Variants in IGFL2 observed in about 807,000 individuals in gnomAD.
The protein encoded by IGFL2 is IGF like family member 2.
IGFL2 carries 7 observed loss-of-function variants against 13.9 expected under a neutral mutation model. That is an observed-to-expected ratio of 0.51 (90% CI 0.29 to 0.95). The LOEUF is 0.95. IGFL2 is among the 40% of genes least tolerant of loss of function. The pLI, the probability that IGFL2 is intolerant of heterozygous loss-of-function variation, is 0.08. For synonymous variants in IGFL2, 55 were observed against 55.8 expected (o/e 0.99, Z 0.07); for missense variants, 138 against 147.8 (o/e 0.93, Z 0.34).
chr19:46,114,087 A>T, the IGFL2 span, among the ~76,000 whole-genome samples: 1 of 152,224 alleles, frequency 6.6e-6, no homozygotes, highest in East Asian at 1.9e-4. Context: ...TTCTCTGGTA[A>T]CAATCCAGGA....
At chr19:46,153,958 G>C (rs1371910511) in intron 1 of IGFL2, among the ~76,000 whole-genome samples, 1 of 151,962 alleles carries the variant, frequency 6.6e-6, no homozygotes, top group East Asian at 1.9e-4. Flanking sequence ...GCATGCATTA[G>C]GTATTTGTCC....
At chr19:46,168,750 G>C in the IGFL2 span, among the ~76,000 whole-genome samples, 2 of 152,120 alleles carry the variant, frequency 1.3e-5, no homozygotes, top group African/African-American at 4.8e-5. Context: ...ATGATCCCAG[G>C]TTGCAGTTCT....
chr19:46,159,006 GT>G (rs1973982899), intron 1 of IGFL2: 1 of 152,114 alleles, frequency 6.6e-6, no homozygotes, highest in African/African-American at 2.4e-5. Flanking sequence ...GCACTCTCAG[GT>G]GCTGTATCAC....
At chr19:46,197,090 G>C in the IGFL2 span, 1 of 219,390 alleles carries the variant, frequency 4.6e-6, no homozygotes. Context: ...CACGTTCTGT[G>C]ACCCTCTGCA....
the IGFL2 span, among the ~76,000 whole-genome samples, chr19:46,177,682 G>A: frequency 3.9e-5 from 6 of 152,042 alleles, no homozygotes; most frequent in African/African-American, 1.4e-4. Context: ...CTGCTGTCCT[G>A]TGATTCCACC....
At chr19:46,183,115 T>C in the IGFL2 span, among the ~76,000 whole-genome samples, 1 of 152,096 alleles carries the variant, frequency 6.6e-6, no homozygotes, top group African/African-American at 2.4e-5. Context: ...TCAATTATCA[T>C]GGTGGAAAGC....
chr19:46,137,636 G>A, the IGFL2 span: 20 of 789,356 alleles, frequency 2.5e-5, no homozygotes, highest in Non-Finnish European at 3.2e-5. Flanking sequence ...AGGACCCTGC[G>A]TGACCCAGGA....
the IGFL2 span, among the ~76,000 whole-genome samples, chr19:46,190,681 G>A: frequency 3.9e-5 from 6 of 152,242 alleles, no homozygotes; most frequent in South Asian, 6.2e-4. Flanking sequence ...TATTTATCAC[G>A]CCCCCTGGTA....
the IGFL2 span, among the ~76,000 whole-genome samples, chr19:46,181,783 G>A: frequency 6.6e-6 from 1 of 152,214 alleles, no homozygotes; most frequent in Non-Finnish European, 1.5e-5. Flanking sequence ...GGCTAGCCAT[G>A]AAATAACAAA....
At chr19:46,142,583 T>C (rs968966544), upstream of IGFL2, among the ~76,000 whole-genome samples, 8 of 152,226 alleles carry the variant, frequency 5.3e-5, no homozygotes, top group African/African-American at 1.9e-4. Flanking sequence ...ATGTTATCTA[T>C]CTATGTTTAA....
the IGFL2 span, chr19:46,208,891 T>G: frequency 6.6e-6 from 1 of 152,246 alleles, no homozygotes; most frequent in Non-Finnish European, 1.5e-5. Context: ...TTTTTAGCAG[T>G]GTGAAAATGG....
At chr19:46,202,139 C>T in the IGFL2 span, among the ~76,000 whole-genome samples, 22 of 151,982 alleles carry the variant, frequency 1.4e-4, no homozygotes, top group African/African-American at 5.1e-4. Flanking sequence ...AAGGAACAGA[C>T]AGGAGAGAAA....
At chr19:46,201,420 C>T in the IGFL2 span, among the ~76,000 whole-genome samples, 1 of 152,194 alleles carries the variant, frequency 6.6e-6, no homozygotes, top group Non-Finnish European at 1.5e-5. Flanking sequence ...AGGCACAGTT[C>T]TCATTCATTC....
At chr19:46,080,266 G>C in the IGFL2 span, among the ~76,000 whole-genome samples, 1 of 152,156 alleles carries the variant, frequency 6.6e-6, no homozygotes, top group East Asian at 1.9e-4. Context: ...GCGAGCCGTG[G>C]CTCCTGCCTG....
At chr19:46,079,552 C>T in the IGFL2 span, among the ~76,000 whole-genome samples, 3 of 152,138 alleles carry the variant, frequency 2.0e-5, no homozygotes, top group Admixed American at 2.0e-4. Flanking sequence ...TGGCCATGAT[C>T]CCCCAGCCAG....
At chr19:46,088,291 C>G in the IGFL2 span, among the ~76,000 whole-genome samples, 16 of 152,212 alleles carry the variant, frequency 1.1e-4, no homozygotes, top group African/African-American at 3.9e-4. Context: ...AAAGTCTTTC[C>G]TTTATTCTGT....
At chr19:46,104,732 A>G in the IGFL2 span, among the ~76,000 whole-genome samples, 624 of 152,336 alleles carry the variant, frequency 4.1e-3, 1 homozygote, top group African/African-American at 0.013. Context: ...AGAATAGCAG[A>G]TGGAACACTA....
chr19:46,109,858 G>T, the IGFL2 span, among the ~76,000 whole-genome samples: 1 of 152,190 alleles, frequency 6.6e-6, no homozygotes, highest in Non-Finnish European at 1.5e-5. Context: ...ATCAGTTAAG[G>T]CAGGAACTGG....
the IGFL2 span, chr19:46,111,526 G>C: frequency 6.6e-6 from 1 of 152,254 alleles, no homozygotes; most frequent in Non-Finnish European, 1.5e-5. Flanking sequence ...ACACCGCTCT[G>C]TGAGCATAAT....
Sources: allele counts gnomAD v4.1 joint callset (sites outside exome capture counted in the v4.1 genomes callset), GRCh38; gene constraint gnomAD v4.1.1; transcripts MANE v1.5; gene names NCBI Gene and HGNC (gene_info 2026-07-23, HGNC 2026-07-21).